PPP3CC: variants seen among roughly 807,000 people sequenced by gnomAD.
The protein encoded by PPP3CC is serine/threonine-protein phosphatase 2B catalytic subunit gamma isoform.
Under a neutral mutation model 60.3 loss-of-function variants are expected in PPP3CC, and 35 were observed. The observed-to-expected ratio is 0.58, with a 90% CI of 0.44 to 0.77. The LOEUF is 0.77. PPP3CC is among the 30% of genes least tolerant of loss of function. The pLI is 0.00. For missense variants in PPP3CC, 570 were observed against 628.9 expected (o/e 0.91, Z 1.00); for synonymous variants, 206 against 224.3 (o/e 0.92, Z 0.73).
Position 22,504,460 on chromosome 8 carries a change from C to G in PPP3CC, c.484+6348C>G, listed in dbSNP as rs139587787. On this transcript the variant is annotated intron_variant, in intron 4 of 13. Coordinates refer to ENST00000240139, the MANE Select transcript of PPP3CC (RefSeq NM_005605.5). Reference sequence around the variant, plus strand: ...GGGACTGTAGGTGTGTGCCACCATGCCTGGCTAATTTTTAAATTTTTTGTA... The same window carrying G: ...GGGACTGTAGGTGTGTGCCACCATGGCTGGCTAATTTTTAAATTTTTTGTA... Among the ~76,000 whole-genome samples the G allele has an allele frequency of 3.2e-3, 482 of 152,046 alleles. 3 individuals are homozygous for G. Among genetic ancestry groups the G allele is most frequent in the African/African-American group, 0.011 (457 of 41,476 alleles).
chr8:22,527,315 T>A, intron 8 of PPP3CC, 77 bp from the exon 9 acceptor site: 1 of 1,500,558 alleles, frequency 6.7e-7, no homozygotes, highest in Non-Finnish European at 9.1e-7. Context: ...GTGTAGCAGG[T>A]ACACAGCTGT....
At chr8:22,450,797 ATTTTTATTTATTTAT>A (rs1277550967) in intron 1 of PPP3CC, among the ~76,000 whole-genome samples, 1 of 142,302 alleles carries the variant, frequency 7.0e-6, no homozygotes, top group South Asian at 2.2e-4. Context: ...AACCTACTTT[ATTTTTATTTATTTAT>A]TTATTTATTT....
At chr8:22,533,092 G>A in intron 12 of PPP3CC, 74 bp downstream of exon 12, 1 of 1,160,020 alleles carries the variant, frequency 8.6e-7, no homozygotes, top group African/African-American at 1.6e-5. Context: ...TACAAATGGG[G>A]GCTTTCCTCA....
intron 1 of PPP3CC, among the ~76,000 whole-genome samples, chr8:22,443,112 A>G (rs1245800235): frequency 6.6e-6 from 1 of 152,228 alleles, no homozygotes. Flanking sequence ...CCATTGTGCC[A>G]TGTAATTTCC....
At chr8:22,539,972 C>A (rs1209074637) in intron 13 of PPP3CC, among the ~76,000 whole-genome samples, 1 of 152,180 alleles carries the variant, frequency 6.6e-6, no homozygotes. Flanking sequence ...TCTATGAAAA[C>A]CATTGGAACT....
intron 6 of PPP3CC, among the ~76,000 whole-genome samples, chr8:22,518,859 G>A (rs1179768868): frequency 1.3e-5 from 2 of 151,990 alleles, no homozygotes; most frequent in African/African-American, 4.8e-5. Flanking sequence ...GCTAATTTTT[G>A]TATTTTTAGT....
chr8:22,455,055 C>CAAAAAAAA (rs5890035), intron 1 of PPP3CC, among the ~76,000 whole-genome samples: 7 of 91,268 alleles, frequency 7.7e-5, no homozygotes, highest in East Asian at 2.9e-4. Context: ...GACTCCATCT[C>CAAAAAAAA]AAAAAAAAAA....
intron 3 of PPP3CC, among the ~76,000 whole-genome samples, chr8:22,477,467 C>T (rs1837925587): frequency 8.7e-6 from 1 of 115,546 alleles, no homozygotes; most frequent in South Asian, 2.8e-4. Flanking sequence ...GAGCAAGACT[C>T]TGTCTCAAAA....
chr8:22,445,603 T>C (rs1563662210), intron 1 of PPP3CC, among the ~76,000 whole-genome samples: 1 of 152,250 alleles, frequency 6.6e-6, no homozygotes, highest in African/African-American at 2.4e-5. Context: ...ATTGTAATTT[T>C]ACCTAAATAT....
At chr8:22,508,003 C>T (rs1838975610) in intron 4 of PPP3CC, among the ~76,000 whole-genome samples, 2 of 152,140 alleles carry the variant, frequency 1.3e-5, no homozygotes, top group Admixed American at 1.3e-4. Flanking sequence ...CCTGTAATCC[C>T]AGCACTTTGG....
intron 6 of PPP3CC, among the ~76,000 whole-genome samples, chr8:22,515,662 T>G (rs1170869257): frequency 1.3e-5 from 2 of 152,216 alleles, no homozygotes; most frequent in Non-Finnish European, 2.9e-5. Context: ...AAAAGTCATT[T>G]TAACTGGGTG....
At chr8:22,523,052 A>G (rs2117121720) in intron 8 of PPP3CC, among the ~76,000 whole-genome samples, 1 of 152,340 alleles carries the variant, frequency 6.6e-6, no homozygotes, top group East Asian at 1.9e-4. Context: ...AATAGTTAGC[A>G]TAAATTATTG....
At chr8:22,466,525 T>C (rs1370728281) in intron 1 of PPP3CC, among the ~76,000 whole-genome samples, 4 of 152,196 alleles carry the variant, frequency 2.6e-5, no homozygotes, top group African/African-American at 9.7e-5. Flanking sequence ...TTCTAACTGG[T>C]GTGAGATGGT....
chr8:22,447,013 T>A (rs995978510), intron 1 of PPP3CC, among the ~76,000 whole-genome samples: 35 of 151,286 alleles, frequency 2.3e-4, no homozygotes, highest in Non-Finnish European at 3.8e-4. Flanking sequence ...CCGTTTATAG[T>A]TTTTTTTGGT....
rs190096771 is a variant in PPP3CC at position 22,499,055 on chromosome 8, T to A, written c.484+943T>A. On this transcript the variant is annotated intron_variant, in intron 4 of 13. Coordinates refer to ENST00000240139, the MANE Select transcript of PPP3CC (RefSeq NM_005605.5). ...AGGAGAATGGCTTGAACCCGGGAGA[T>A]GGAGGTTGTGGTGAGATCCTGCCAC... Among the ~76,000 whole-genome samples, 12 of 148,222 alleles carry A rather than the reference T, an allele frequency of 8.1e-5. No individual in the cohort carries two copies. In the East Asian group the frequency reaches 2.4e-3, roughly 30 times the overall value.
intron 1 of PPP3CC, among the ~76,000 whole-genome samples, chr8:22,456,662 A>T (rs1251071194): frequency 6.6e-6 from 1 of 152,228 alleles, no homozygotes; most frequent in African/African-American, 2.4e-5. Flanking sequence ...ACAATTTCAC[A>T]TATAGGTAGC....
At chr8:22,454,309 A>C (rs953990766) in intron 1 of PPP3CC, among the ~76,000 whole-genome samples, 2 of 152,102 alleles carry the variant, frequency 1.3e-5, no homozygotes, top group Non-Finnish European at 2.9e-5. Flanking sequence ...ACTGTCTTCT[A>C]CCTCCACCTC....
intron 4 of PPP3CC, among the ~76,000 whole-genome samples, chr8:22,501,574 G>T (rs897236466): frequency 1.3e-5 from 2 of 152,206 alleles, no homozygotes; most frequent in Non-Finnish European, 2.9e-5. Context: ...TCCAGATACT[G>T]CTTGCAGTTC....
intron 4 of PPP3CC, among the ~76,000 whole-genome samples, chr8:22,509,085 G>C (rs1377484680): frequency 6.6e-6 from 1 of 152,156 alleles, no homozygotes; most frequent in Non-Finnish European, 1.5e-5. Context: ...TGGCGTTAAA[G>C]AGAAATCTTC....
Sources: gnomAD v4.1 joint callset for allele counts (sites outside exome capture counted in the v4.1 genomes callset) on GRCh38, gnomAD v4.1.1 for gene constraint, MANE v1.5 for transcripts, NCBI Gene and HGNC (gene_info 2026-07-23, HGNC 2026-07-21) for gene names.